The following COL7A1 variants were observed in gnomAD, a reference collection of about 807,000 sequenced individuals.
COL7A1 encodes the protein collagen type VII alpha 1 chain, also known as collagen alpha-1(VII) chain.
A neutral mutation model predicts 456.2 loss-of-function variants in COL7A1; 296 were observed. That is an observed-to-expected ratio of 0.65 (90% CI 0.59 to 0.71). The LOEUF (loss-of-function observed/expected upper bound fraction) is 0.71, where lower values mean the gene tolerates loss of function less well. COL7A1 is among the 30% of genes least tolerant of loss of function. The probability of loss-of-function intolerance (pLI) is 0.00; values close to 1 mark genes in which losing one functional copy is unlikely to be tolerated. For missense variants in COL7A1, 3,441 were observed against 4,017.2 expected, an observed-to-expected ratio of 0.86 and a Z score of 3.88; for synonymous variants, 1,464 against 1,525.9, an observed-to-expected ratio of 0.96 and a Z score of 0.95.
chr3:48,584,990 C>T, intron 33 of COL7A1, 45 bp from the exon 34 acceptor site: 1 of 1,613,674 alleles, frequency 6.2e-7, no homozygotes, highest in Non-Finnish European at 8.5e-7. Context: ...CCACCCCACC[C>T]ACTCAGGCAG....
rs774486289 is a variant in COL7A1, at chr3:48,583,903, C to T, written c.4275G>A (p.Leu1425=). 2 of 1,613,910 alleles carry T rather than the reference C, an allele frequency of 1.2e-6. No individual in the cohort carries two copies. The highest frequency in any genetic ancestry group is 4.5e-5 in the East Asian group (2 of 44,880). ...EGGIAPGEPG[L]PGLPGSPGPQ... ...GCAGAGCCTCAAGGCCCCTCACCGGCAGCCCAGGCTCCCCAGGAGCAATGC... is the reference window on the plus strand; with the variant it reads ...GCAGAGCCTCAAGGCCCCTCACCGGTAGCCCAGGCTCCCCAGGAGCAATGC... Residue 1425 remains leucine, a synonymous_variant, in exon 39 of 119, where the codon CTG becomes CTA. Coordinates refer to ENST00000681320, the MANE Select transcript of COL7A1 (RefSeq NM_000094.4). This position sits in a 1 kb window ranked among gnomAD's most constrained non-coding sequence, Gnocchi z 5.1.
rs2043662453 is a variant in COL7A1 at position 48,567,575 on chromosome 3, T to C, written c.8045A>G (p.Lys2682Arg). The change falls in exon 109 of 119, where the codon AAG becomes AGG. Residue 2682 changes from lysine to arginine, a missense_variant and splice_region_variant. Physicochemically the swap from Lys to Arg is conservative, Grantham distance 26 (BLOSUM62 2). Around this residue, in one of 3 missense-constraint regions of COL7A1, gnomAD observed 2,084 missense variants for 2,501.3 expected, o/e 0.83. Coordinates refer to ENST00000681320, the MANE Select transcript of COL7A1 (RefSeq NM_000094.4). This position sits in a 1 kb window ranked among gnomAD's most constrained non-coding sequence, Gnocchi z 4.3. The stretch of plus-strand genomic sequence containing the variant: ...GTCCACTGTCCACAGACCCTGTACC[T>C]TGGGACCGATCAGGCCCTCCTTGCC... ...APGKEGLIGP[K>R]GDRGFDGQPG... The C allele has an allele frequency of 6.2e-7, 1 of 1,614,030 alleles. No homozygotes were observed.
chr3:48,593,080 C>T lies in COL7A1; in HGVS notation c.682+22G>A, dbSNP rs2045826248. Reference sequence around the variant, plus strand: ...GGGGTCCGGGGTCTAGGTCAGGGTACACCGTGTGGGCAGGAACTCACGAGG... The same window carrying T: ...GGGGTCCGGGGTCTAGGTCAGGGTATACCGTGTGGGCAGGAACTCACGAGG... On this transcript the variant is annotated intron_variant, in intron 6 of 118. Coordinates refer to ENST00000681320, the MANE Select transcript of COL7A1 (RefSeq NM_000094.4). The surrounding 1 kb of genome is among the most constrained non-coding windows in gnomAD (Gnocchi z 4.4). 1 of 1,614,116 alleles carries T rather than the reference C, an allele frequency of 6.2e-7. No individual in the cohort carries two copies. The highest frequency in any genetic ancestry group is 8.5e-7 in the Non-Finnish European group (1 of 1,180,028).
In COL7A1 at chr3:48,566,977, C is replaced by G. The variant is rs1164917118; in HGVS notation, c.8156G>C (p.Gly2719Ala). ...GGFPGPSGND[G>A]SAGPPGPPGS... is the part of the protein sequence containing the mutation. ...AGGTGGCCCTGGGGGACCAGCAGAG[C>G]CATCATTTCCACTGGGGCCTGGGAA... is the stretch of plus-strand genomic sequence containing the variant. The change falls in exon 111 of 119, where the codon GGC (glycine) becomes GCC (alanine). Residue 2719 changes from glycine to alanine, a missense_variant. Gly to Ala is a moderately conservative substitution (Grantham distance 60). Around this residue, in one of 3 missense-constraint regions of COL7A1, gnomAD observed 2,084 missense variants for 2,501.3 expected, o/e 0.83. Coordinates refer to ENST00000681320, the MANE Select transcript of COL7A1 (RefSeq NM_000094.4). This position sits in a 1 kb window ranked among gnomAD's most constrained non-coding sequence, Gnocchi z 5.9. 1.1e-5 allele frequency: 17 copies of G among 1,612,000 alleles called. No individual in the cohort carries two copies. Among genetic ancestry groups the G allele is most frequent in the Non-Finnish European group, 1.4e-5 (16 of 1,178,430 alleles).
Position 48,567,487 on chromosome 3 carries a change from C to T in COL7A1, c.8046+87G>A, listed in dbSNP as rs954425061. The T allele has an allele frequency of 6.3e-7, 1 of 1,577,700 alleles. No individual in the cohort carries two copies. The highest frequency in any genetic ancestry group is 2.2e-5 in the East Asian group (1 of 44,710). On this transcript the variant is annotated intron_variant, in intron 109 of 118. Coordinates refer to ENST00000681320, the MANE Select transcript of COL7A1 (RefSeq NM_000094.4). This position sits in a 1 kb window ranked among gnomAD's most constrained non-coding sequence, Gnocchi z 4.3. The stretch of plus-strand genomic sequence containing the variant: ...AAAGTCCCAACCCTCTACAGCCTTC[C>T]TTGTCCCTACACCCCCATGACCCGA...
rs1379479664 is a variant in COL7A1, at chr3:48,565,236, C to T, written c.8528-35G>A. 1 of 1,594,906 alleles carries T rather than the reference C, an allele frequency of 6.3e-7. No individual in the cohort carries two copies. The highest frequency in any genetic ancestry group is 1.3e-5 in the African/African-American group (1 of 74,564). On this transcript the variant is annotated intron_variant, in intron 116 of 118. Transcript: ENST00000681320. The surrounding 1 kb of genome is among the most constrained non-coding windows in gnomAD (Gnocchi z 4.5). The stretch of plus-strand genomic sequence containing the variant: ...GGGCAGGGTGTGCTGGGAGCAGTGG[C>T]TGCTGGCCCCGGGGCAAGGTGGGCA...
Position 48,588,978 on chromosome 3 carries a change from G to C in COL7A1, c.2332C>G (p.Arg778Gly), listed in dbSNP as rs1018322313. The C allele has an allele frequency of 6.2e-7, 1 of 1,613,474 alleles. No individual in the cohort carries two copies. The highest frequency in any genetic ancestry group is 8.5e-7 in the Non-Finnish European group (1 of 1,180,038). ...VVRTAPEPVG[R>G]VSRLQILNAS... ...TTGAGGATCTGCAGCCTCGACACACGACCCACAGGCTCAGGGGCTGGGGAC... is the reference window on the plus strand; with the variant it reads ...TTGAGGATCTGCAGCCTCGACACACCACCCACAGGCTCAGGGGCTGGGGAC... The change falls in exon 19 of 119, where the codon CGT becomes GGT. Residue 778 changes from arginine to glycine, a missense_variant. Arg to Gly is a moderately radical substitution (Grantham distance 125, BLOSUM62 -2). Transcript: ENST00000681320. The surrounding 1 kb of genome is among the most constrained non-coding windows in gnomAD (Gnocchi z 4.6).
chr3:48,566,445 A>G lies in COL7A1; in HGVS notation c.8358+65T>C, dbSNP rs1281038634. On this transcript the variant is annotated intron_variant, in intron 113 of 118. Coordinates refer to ENST00000681320, the MANE Select transcript of COL7A1 (RefSeq NM_000094.4). The surrounding 1 kb of genome is among the most constrained non-coding windows in gnomAD (Gnocchi z 5.9). ...CAGGGGTCAGGGTGCTGGGTGAGGG[A>G]GGTAGGGCCCCAGCCCACCCAGGCC... The G allele has an allele frequency of 6.2e-7, 1 of 1,606,078 alleles. No homozygotes were observed. The highest frequency in any genetic ancestry group is 8.5e-7 in the Non-Finnish European group (1 of 1,173,536).
In COL7A1 at chr3:48,570,271, G is replaced by A. The variant is rs1417898795; in HGVS notation, c.7440+4C>T. On this transcript the variant is annotated splice_donor_region_variant and intron_variant, in intron 98 of 118. Coordinates refer to ENST00000681320, the MANE Select transcript of COL7A1 (RefSeq NM_000094.4). The surrounding 1 kb of genome is among the most constrained non-coding windows in gnomAD (Gnocchi z 5.5). ...AGTTCGGCTGTGGAGTAAGACATACGTACCCGGATGCCTGGCTCCCCACGC... is the reference window on the plus strand; with the variant it reads ...AGTTCGGCTGTGGAGTAAGACATACATACCCGGATGCCTGGCTCCCCACGC... 3.7e-6 allele frequency: 6 copies of A among 1,613,596 alleles called. No homozygotes were observed. Among genetic ancestry groups the A allele is most frequent in the African/African-American group, 1.3e-5 (1 of 74,782 alleles).
In COL7A1 at chr3:48,578,353, C is replaced by T. The variant is rs750841023; in HGVS notation, c.5500G>A (p.Glu1834Lys). 13 of 1,612,988 alleles carry T rather than the reference C, an allele frequency of 8.1e-6. No individual in the cohort carries two copies. Among genetic ancestry groups the T allele is most frequent in the East Asian group, 4.5e-5 (2 of 44,888 alleles). ...GPPGLPGKPG[E>K]DGKPGLNGKN... ...CCATTCAGGCCAGGTTTGCCATCCT[C>T]GCCTGGCTTTCCCTGTGGGAACAGA... The change falls in exon 65 of 119, where the codon GAG becomes AAG. Residue 1834 changes from glutamate (E) to lysine (K), a missense_variant. By Grantham distance (56) the Glu-to-Lys change is moderately conservative. Coordinates refer to ENST00000681320, the MANE Select transcript of COL7A1 (RefSeq NM_000094.4). This position sits in a 1 kb window ranked among gnomAD's most constrained non-coding sequence, Gnocchi z 4.7.
Position 48,581,779 on chromosome 3 carries a change from T to C in COL7A1, c.4669-20A>G. 6.2e-7 allele frequency: 1 copy of C among 1,613,968 alleles called. No individual in the cohort carries two copies. The highest frequency in any genetic ancestry group is 1.1e-5 in the South Asian group (1 of 91,082). On this transcript the variant is annotated intron_variant, in intron 48 of 118. Transcript: ENST00000681320. This position sits in a 1 kb window ranked among gnomAD's most constrained non-coding sequence, Gnocchi z 5.8. ...ATCTCCCTGGAGGTGACAAAGACCA[T>C]CAGTGCTAGTCCCAGGCTCCAGTTA...
In COL7A1 at chr3:48,565,819, A is replaced by C. The variant is rs1381035456; in HGVS notation, c.8408-151T>G. On this transcript the variant is annotated intron_variant, in intron 114 of 118. Transcript: ENST00000681320. The surrounding 1 kb of genome is among the most constrained non-coding windows in gnomAD (Gnocchi z 4.5). The stretch of plus-strand genomic sequence containing the variant: ...GAGAGAGAGGAAGAGAGAGGGTGGG[A>C]GGTAGATAGAGAGATGGAAAAAGAG... 1.3e-6 allele frequency: 1 copy of C among 784,702 alleles called. No homozygotes were observed. The highest frequency in any genetic ancestry group is 2.1e-6 in the Non-Finnish European group (1 of 468,028). The allele number at this position is 784,702 out of a possible 1,614,324, so 48.6% of individuals were successfully genotyped here. A position where few individuals can be genotyped will look rare whatever the true frequency, so the allele number is the denominator to read the frequency against.
chr3:48,582,750 G>T, intron 44 of COL7A1, 97 bp from the exon 45 acceptor site: 1 of 1,351,424 alleles, frequency 7.4e-7, no homozygotes. Context: ...AGAGGGGTCA[G>T]GGAAGATTGG....
Position 48,587,368 on chromosome 3 carries a change from T to C in COL7A1, c.2993-32A>G, listed in dbSNP as rs747514467. 1 of 1,612,552 alleles carries C rather than the reference T, an allele frequency of 6.2e-7. No homozygotes were observed. The highest frequency in any genetic ancestry group is 8.5e-7 in the Non-Finnish European group (1 of 1,179,734). ...GAGACAGAACTTGATTAAAAAGCTG[T>C]CTCCACAGAGCCCCAACTGCCAGCC... is the stretch of plus-strand genomic sequence containing the variant. On this transcript the variant is annotated intron_variant, in intron 23 of 118. Coordinates refer to ENST00000681320, the MANE Select transcript of COL7A1 (RefSeq NM_000094.4). This position sits in a 1 kb window ranked among gnomAD's most constrained non-coding sequence, Gnocchi z 6.1.
rs778205818 is a variant in COL7A1, at chr3:48,585,157, C to A, written c.3895-41G>T. ...GGTCAGGACAGGAAGGGACCCTCCC[C>A]CAAGGCCCCTGGTTTGCTGGAGGGG... On this transcript the variant is annotated intron_variant, in intron 32 of 118. Coordinates refer to ENST00000681320, the MANE Select transcript of COL7A1 (RefSeq NM_000094.4). The surrounding 1 kb of genome is among the most constrained non-coding windows in gnomAD (Gnocchi z 4.5). 48 of 1,599,024 alleles carry A rather than the reference C, an allele frequency of 3.0e-5. No homozygotes were observed. In the Admixed American group the frequency reaches 5.9e-4, roughly 20 times the overall value.
intron 71 of COL7A1, 141 bp downstream of exon 71, chr3:48,576,108 G>T (rs1335459153): frequency 1.0e-5 from 15 of 1,434,216 alleles, no homozygotes; most frequent in Non-Finnish European, 1.4e-5. Context: ...TTGAGTGTGG[G>T]CTACAAGAAC....
intron 65 of COL7A1, among the ~76,000 whole-genome samples, chr3:48,577,811 A>G (rs983333570): frequency 6.6e-6 from 1 of 152,184 alleles, no homozygotes; most frequent in Non-Finnish European, 1.5e-5. Flanking sequence ...CCATCCTGGC[A>G]TAAATTGGCC....
Position 48,564,346 on chromosome 3 carries a change from G to C in COL7A1, c.*60C>G. On this transcript the variant is annotated 3_prime_UTR_variant, in exon 119 of 119. Transcript: ENST00000681320. This position sits in a 1 kb window ranked among gnomAD's most constrained non-coding sequence, Gnocchi z 6.0. ...CTAGCACCAAGGGGAGGGACAGTGGGGTTCTGCTGAGACCCCGACTCCTCC... is the reference window on the plus strand; with the variant it reads ...CTAGCACCAAGGGGAGGGACAGTGGCGTTCTGCTGAGACCCCGACTCCTCC... 6.3e-7 allele frequency: 1 copy of C among 1,598,972 alleles called. No homozygotes were observed. The highest frequency in any genetic ancestry group is 1.1e-5 in the South Asian group (1 of 90,654).
Position 48,595,254 on chromosome 3 carries a change from A to G in COL7A1, c.-2+14T>C. 1.9e-6 allele frequency: 2 copies of G among 1,052,676 alleles called. No individual in the cohort carries two copies. The highest frequency in any genetic ancestry group is 2.8e-6 in the Non-Finnish European group (2 of 702,024). 65.2% of individuals were successfully genotyped at this position (1,052,676 alleles called of 1,614,324 possible). ...CCGAGCCCAGCGCCCCTCCAGCCCG[A>G]GTCCTGGTCTTGCCTGCGCGTCCGC... On this transcript the variant is annotated intron_variant, in intron 1 of 118. Coordinates refer to ENST00000681320, the MANE Select transcript of COL7A1 (RefSeq NM_000094.4).
Sources: gnomAD v4.1 joint callset for allele counts (sites outside exome capture counted in the v4.1 genomes callset) on GRCh38, gnomAD v4.1.1 for gene constraint, gnomAD v4.1.1 regional missense constraint, Gnocchi (gnomAD v3.1) non-coding constraint, MANE v1.5 for transcripts, NCBI Gene and HGNC (gene_info 2026-07-23, HGNC 2026-07-21) for gene names.